The following PCDH11X variants were observed in gnomAD, a reference collection of about 807,000 sequenced individuals.
PCDH11X encodes the protein protocadherin-11 X-linked.
A neutral mutation model predicts 53.3 loss-of-function variants in PCDH11X; 18 were observed. The observed-to-expected ratio is 0.34, with a 90% CI of 0.23 to 0.50. The LOEUF is 0.50. Ranked by LOEUF, PCDH11X falls within the 20% of genes least tolerant of loss-of-function variation. The pLI is 0.98. For missense variants in PCDH11X, 570 were observed against 1,032.4 expected (o/e 0.55, Z 6.14); for synonymous variants, 279 against 393.3 (o/e 0.71, Z 3.44).
intron 10 of PCDH11X, among the ~76,000 whole-genome samples, chrX:92,584,780 C>CT (rs1215068558): frequency 1.4e-5 from 1 of 72,608 alleles, no homozygotes; most frequent in African/African-American, 6.3e-5. Context: ...GCATTATTCT[C>CT]TTTTTTTCCT....
Position 92,198,410 on chromosome X carries a change from CAAAAAAAAAA to C in PCDH11X, c.3034-2948_3034-2939del, listed in dbSNP as rs148083122. On this transcript the variant is annotated intron_variant, in intron 6 of 10. Coordinates refer to ENST00000682573, the MANE Select transcript of PCDH11X (RefSeq NM_032968.5). ...TAGGTGACAGAGTGAGATCCTGTCT[CAAAAAAAAAA>C]AAAAAAAAAAAAAAAATCACAAAAC... Among the ~76,000 whole-genome samples, 4 of 31,620 alleles carry C rather than the reference CAAAAAAAAAA, an allele frequency of 1.3e-4. No individual in the cohort carries two copies. In the Admixed American group the frequency reaches 1.8e-3, roughly 14 times the overall value. 27.5% of individuals were successfully genotyped at this position (31,620 alleles called of 115,157 possible).
In PCDH11X at chrX:91,981,078, A is replaced by AAT. The variant is rs748958954; in HGVS notation, c.3033+101815_3033+101816dup. Among the ~76,000 whole-genome samples, 610 of 102,741 alleles carry AAT rather than the reference A, an allele frequency of 5.9e-3. 3 individuals are homozygous for AAT. The highest frequency in any genetic ancestry group is 0.021 in the African/African-American group (586 of 28,420). 89.2% of individuals were successfully genotyped at this position (102,741 alleles called of 115,157 possible). A position where few individuals can be genotyped will look rare whatever the true frequency, so the allele number is the denominator to read the frequency against. ...ACACTGAATATATTTATATACACTG[A>AAT]ATATATATATACACTGAATATATAA... is the stretch of plus-strand genomic sequence containing the variant. On this transcript the variant is annotated intron_variant, in intron 6 of 10. Transcript: ENST00000682573.
chrX:92,608,834 A>G (rs1036004437), intron 10 of PCDH11X, among the ~76,000 whole-genome samples: 1 of 111,021 alleles, frequency 9.0e-6, no homozygotes, highest in African/African-American at 3.3e-5. Context: ...TCATGTATCT[A>G]TCACCATTTT....
intron 10 of PCDH11X, among the ~76,000 whole-genome samples, chrX:92,505,497 T>G (rs1457662436): frequency 3.6e-5 from 4 of 110,637 alleles, no homozygotes; most frequent in Admixed American, 1.9e-4. Context: ...TTGTTGAAGA[T>G]CAGATGGCTG....
At chrX:92,474,025 G>T (rs2073324729) in intron 10 of PCDH11X, among the ~76,000 whole-genome samples, 1 of 111,008 alleles carries the variant, frequency 9.0e-6, no homozygotes, top group South Asian at 3.7e-4. Context: ...TTTTCTGTCT[G>T]AAAGGTCCAA....
intron 6 of PCDH11X, among the ~76,000 whole-genome samples, chrX:92,045,692 C>A (rs766425682): frequency 1.9e-5 from 2 of 104,630 alleles, no homozygotes; most frequent in East Asian, 6.2e-4. Flanking sequence ...GTAATCCCAG[C>A]ACTTTCGAAG....
At chrX:92,132,241 C>T (rs1366005666) in intron 6 of PCDH11X, among the ~76,000 whole-genome samples, 31 of 72,532 alleles carry the variant, frequency 4.3e-4, no homozygotes, top group Non-Finnish European at 5.5e-4. Flanking sequence ...GCCAAGATTG[C>T]GCTATTGCAC....
chrX:91,890,011 A>G, intron 6 of PCDH11X, among the ~76,000 whole-genome samples: 1 of 105,935 alleles, frequency 9.4e-6, no homozygotes, highest in East Asian at 3.1e-4. Flanking sequence ...CAAATTAAAG[A>G]AATGAGAGGG....
intron 10 of PCDH11X, among the ~76,000 whole-genome samples, chrX:92,605,337 A>G (rs1159864797): frequency 2.7e-5 from 3 of 111,456 alleles, no homozygotes; most frequent in Non-Finnish European, 5.7e-5. Flanking sequence ...AAGAAACAAC[A>G]AGAGAAATTC....
intron 8 of PCDH11X, among the ~76,000 whole-genome samples, chrX:92,297,276 T>C: frequency 9.4e-6 from 1 of 106,135 alleles, no homozygotes; most frequent in Non-Finnish European, 1.9e-5. Context: ...TTTTGTACTT[T>C]TAGGTTTTAT....
chrX:92,282,080 G>T (rs1409228403), intron 8 of PCDH11X, among the ~76,000 whole-genome samples: 1 of 110,889 alleles, frequency 9.0e-6, no homozygotes, highest in African/African-American at 3.3e-5. Context: ...GAGGAGGGAG[G>T]AGGAGAAGGA....
At chrX:91,941,130 G>T (rs1038773733) in intron 6 of PCDH11X, among the ~76,000 whole-genome samples, 2 of 110,666 alleles carry the variant, frequency 1.8e-5, no homozygotes, top group African/African-American at 6.6e-5. Context: ...AGAAAAGAAG[G>T]CAGAGAAAGA....
rs759288340 is a variant in PCDH11X at position 92,183,962 on chromosome X, G to T, written c.3034-17413G>T. ...ATGTTAAAGTTTTTCCACAGCACTG[G>T]ACATTATATAATAGACTATTTTTTT... On this transcript the variant is annotated intron_variant, in intron 6 of 10. Transcript: ENST00000682573. Among the ~76,000 whole-genome samples the T allele has an allele frequency of 3.0e-3, 219 of 71,937 alleles. 2 individuals carry two copies. The highest frequency in any genetic ancestry group is 8.2e-4 in the Non-Finnish European group (31 of 37,703). 62.5% of individuals were successfully genotyped at this position (71,937 alleles called of 115,157 possible).
chrX:92,250,298 T>C (rs1023128743), intron 7 of PCDH11X, among the ~76,000 whole-genome samples: 1 of 110,843 alleles, frequency 9.0e-6, no homozygotes, highest in Non-Finnish European at 1.9e-5. Flanking sequence ...CAAATTACCT[T>C]GTTGGTGAGG....
At chrX:92,071,261 C>A (rs1270695390) in intron 6 of PCDH11X, among the ~76,000 whole-genome samples, 1 of 111,026 alleles carries the variant, frequency 9.0e-6, no homozygotes, top group East Asian at 2.8e-4. Context: ...TGCTTGATCA[C>A]GTGTGCTATT....
chrX:92,353,210 A>G (rs373897076), intron 8 of PCDH11X, among the ~76,000 whole-genome samples: 1 of 111,948 alleles, frequency 8.9e-6, no homozygotes, highest in Non-Finnish European at 1.9e-5. Flanking sequence ...CTGATAGACA[A>G]TGAAAATTGG....
Position 92,585,299 on chromosome X carries a change from A to T in PCDH11X, c.3368-32965A>T, listed in dbSNP as rs753810916. On this transcript the variant is annotated intron_variant, in intron 10 of 10. Coordinates refer to ENST00000682573, the MANE Select transcript of PCDH11X (RefSeq NM_032968.5). Reference sequence around the variant, plus strand: ...TTACAATTCCACGTGAGATTTGGGCAGGGTCACAGATCCAAACCATATTAA... The same window carrying T: ...TTACAATTCCACGTGAGATTTGGGCTGGGTCACAGATCCAAACCATATTAA... 3.6e-5 allele frequency among the ~76,000 whole-genome samples: 4 copies of T among 110,649 alleles called. No individual in the cohort carries two copies. The East Asian group carries it at 8.6e-4, about 24-fold the overall frequency.
intron 6 of PCDH11X, among the ~76,000 whole-genome samples, chrX:92,151,484 G>T: frequency 9.0e-6 from 1 of 111,509 alleles, no homozygotes; most frequent in East Asian, 2.8e-4. Flanking sequence ...GAGCCACCAC[G>T]CCCGGCCTAG....
At chrX:92,106,156 A>G (rs1405550302) in intron 6 of PCDH11X, among the ~76,000 whole-genome samples, 1 of 109,263 alleles carries the variant, frequency 9.2e-6, no homozygotes, top group East Asian at 2.9e-4. Flanking sequence ...GTTGAATCAG[A>G]TTAACGTTAG....
Sources: allele counts gnomAD v4.1 joint callset (sites outside exome capture counted in the v4.1 genomes callset), GRCh38; gene constraint gnomAD v4.1.1; transcripts MANE v1.5; gene names NCBI Gene and HGNC (gene_info 2026-07-23, HGNC 2026-07-21).